The following FER variants were observed in gnomAD, a reference collection of about 807,000 sequenced individuals.
The protein encoded by FER is FER tyrosine kinase.
A neutral mutation model predicts 111.0 loss-of-function variants in FER; 63 were observed. The observed-to-expected ratio is 0.57, with a 90% CI of 0.46 to 0.70. FER has a LOEUF of 0.70. FER is among the 30% of genes least tolerant of loss of function. The pLI is 0.00. For synonymous variants in FER, 327 were observed against 313.9 expected (o/e 1.04, Z -0.44); for missense variants, 914 against 954.0 (o/e 0.96, Z 0.55).
At chr5:108,908,324 A>G (rs1366888631) in intron 10 of FER, among the ~76,000 whole-genome samples, 6 of 152,206 alleles carry the variant, frequency 3.9e-5, no homozygotes. Flanking sequence ...ACATTGCTAT[A>G]ACGAAATAAT....
chr5:108,889,662 G>GTA (rs1747720534), intron 9 of FER, among the ~76,000 whole-genome samples: 1 of 151,888 alleles, frequency 6.6e-6, no homozygotes, highest in African/African-American at 2.4e-5. Flanking sequence ...AACTAAAAGA[G>GTA]TATAATAGGA....
chr5:108,917,903 T>C (rs1561612535), intron 10 of FER, among the ~76,000 whole-genome samples: 1 of 152,162 alleles, frequency 6.6e-6, no homozygotes, highest in Middle Eastern at 3.4e-3. Context: ...GCAGGGCTTT[T>C]TATAAAAGAT....
rs141853188 is a variant in FER, at chr5:109,186,207, C to T, written c.2211C>T (p.Tyr737=). ...TTGTTGTTCCTCTTCCAGGGAGATA[C>T]AGTTCAGAGAGTGACGTGTGGAGCT... is the stretch of plus-strand genomic sequence containing the variant. ...TAPEALNYGR[Y]SSESDVWSFG... Residue 737 remains tyrosine, a synonymous_variant, in exon 19 of 20, where the codon TAC becomes TAT. Coordinates refer to ENST00000281092, the MANE Select transcript of FER (RefSeq NM_005246.4). The T allele has an allele frequency of 4.0e-4, 638 of 1,614,118 alleles. 5 individuals are homozygous for T. In the African/African-American group the frequency reaches 5.8e-3, roughly 15 times the overall value.
At chr5:108,898,710 A>G (rs1239901562) in intron 10 of FER, among the ~76,000 whole-genome samples, 1 of 135,626 alleles carries the variant, frequency 7.4e-6, no homozygotes, top group Admixed American at 7.6e-5. Context: ...TCCTTTTTCT[A>G]TTATCTACCT....
At chr5:108,917,985 T>C (rs1474550973) in intron 10 of FER, among the ~76,000 whole-genome samples, 1 of 152,186 alleles carries the variant, frequency 6.6e-6, no homozygotes, top group Non-Finnish European at 1.5e-5. Context: ...AGGTAGCTAA[T>C]GACAACAACA....
chr5:109,139,350 C>CTTTCTTTTTTTTTTTTTTTTTTTTTT (rs759020944), intron 17 of FER, among the ~76,000 whole-genome samples: 1 of 91,114 alleles, frequency 1.1e-5, no homozygotes, highest in African/African-American at 4.4e-5. Context: ...TTCTTTCTTT[C>CTTTCTTTTTTTTTTTTTTTTTTTTTT]TTTTTTTTTT....
chr5:108,847,278 G>GT (rs1230232648), intron 5 of FER, among the ~76,000 whole-genome samples: 1 of 151,166 alleles, frequency 6.6e-6, no homozygotes, highest in African/African-American at 2.4e-5. Context: ...TGATTCATAG[G>GT]TTATTTAGAA....
chr5:109,165,787 C>T (rs1409336834), intron 17 of FER, among the ~76,000 whole-genome samples: 2 of 152,060 alleles, frequency 1.3e-5, no homozygotes, highest in Non-Finnish European at 1.5e-5. Flanking sequence ...TCTATGGTGG[C>T]GTTTTAGTAT....
Position 109,061,670 on chromosome 5 carries a change from GATAA to G in FER, c.1924+14480_1924+14483del, listed in dbSNP as rs139466932. ...TCATAATTTCTCAACCTTGTGCATA[GATAA>G]ATAAATAGCTCGTTTCAGTAAACAG... On this transcript the variant is annotated intron_variant, in intron 16 of 19. Coordinates refer to ENST00000281092, the MANE Select transcript of FER (RefSeq NM_005246.4). 4.3e-4 allele frequency among the ~76,000 whole-genome samples: 65 copies of G among 152,254 alleles called. 2 individuals carry two copies. The East Asian group carries it at 0.011, about 27-fold the overall frequency.
intron 13 of FER, among the ~76,000 whole-genome samples, chr5:109,016,675 A>T (rs781382525): frequency 3.3e-5 from 5 of 152,088 alleles, no homozygotes; most frequent in Non-Finnish European, 5.9e-5. Context: ...CAAAACTTTG[A>T]AATGTGTATG....
rs113241933 is a variant in FER at position 109,047,307 on chromosome 5, T to C, written c.1924+109T>C. ...CCTCGTAAAGTCTCCAAGGATTTTG[T>C]TTAACATTTCCAGATAACAAAAGAG... On this transcript the variant is annotated intron_variant, in intron 16 of 19. Coordinates refer to ENST00000281092, the MANE Select transcript of FER (RefSeq NM_005246.4). The C allele has an allele frequency of 1.1e-4, 68 of 628,964 alleles. 2 individuals are homozygous for C. Among genetic ancestry groups the C allele is most frequent in the African/African-American group, 9.4e-4 (49 of 52,364 alleles). The allele number at this position is 628,964 out of a possible 1,614,324, so 39.0% of individuals were successfully genotyped here. A position where few individuals can be genotyped will look rare whatever the true frequency, so the allele number is the denominator to read the frequency against.
chr5:108,867,965 C>A lies in FER; in HGVS notation c.665+15C>A, dbSNP rs1277867043. 7 of 1,587,728 alleles carry A rather than the reference C, an allele frequency of 4.4e-6. No homozygotes were observed. The highest frequency in any genetic ancestry group is 6.0e-6 in the Non-Finnish European group (7 of 1,168,480). On this transcript the variant is annotated intron_variant, in intron 6 of 19. Coordinates refer to ENST00000281092, the MANE Select transcript of FER (RefSeq NM_005246.4). The stretch of plus-strand genomic sequence containing the variant: ...ATAAAAGCACTGTAAGATACATTTT[C>A]TTTTTATCATAAAATCCCTTCACAA...
At position 108,944,089 on chromosome 5, in the gene FER, T is replaced by A. The variant is rs61035482; in HGVS notation, c.1237-2041T>A. Among the ~76,000 whole-genome samples the A allele has an allele frequency of 2.9e-3, 443 of 150,370 alleles. 4 individuals carry two copies. The highest frequency in any genetic ancestry group is 0.011 in the African/African-American group (429 of 40,738). ...CTTGTAATTATTATGAACCAGTCTC[T>A]TAGTTTTATGTGTATGTGTACACAC... is the stretch of plus-strand genomic sequence containing the variant. On this transcript the variant is annotated intron_variant, in intron 10 of 19. Transcript: ENST00000281092.
At chr5:109,057,842 GTTGAAA>G (rs1168368151) in intron 16 of FER, among the ~76,000 whole-genome samples, 2 of 152,146 alleles carry the variant, frequency 1.3e-5, no homozygotes, top group South Asian at 2.1e-4. Flanking sequence ...CACTGAAAAA[GTTGAAA>G]TTGAAGAATA....
chr5:108,832,874 T>C lies in FER; in HGVS notation c.312T>C (p.Ile104=). ...CTTTACACAGGCTCACCATGATGAT[T>C]AAGGACAAGCAGCAGGTGAAGAAAA... ...SGPLHRLTMM[I]KDKQQVKKSY... Residue 104 remains isoleucine (I), a synonymous_variant, in exon 4 of 20, where the codon ATT becomes ATC. Transcript: ENST00000281092. 1 of 1,608,000 alleles carries C rather than the reference T, an allele frequency of 6.2e-7. No individual in the cohort carries two copies. The highest frequency in any genetic ancestry group is 8.5e-7 in the Non-Finnish European group (1 of 1,176,480).
intron 17 of FER, among the ~76,000 whole-genome samples, chr5:109,172,484 T>TAGGGTGG (rs1757226586): frequency 4.6e-5 from 2 of 43,586 alleles, no homozygotes; most frequent in East Asian, 5.7e-4. Context: ...GGGACTGTTG[T>TAGGGTGG]GGGGTGGGGG....
intron 2 of FER, among the ~76,000 whole-genome samples, chr5:108,772,836 T>A (rs190136017): frequency 1.0e-3 from 159 of 152,368 alleles, no homozygotes; most frequent in African/African-American, 3.7e-3. Context: ...TAGGAATATG[T>A]ATCTATTAAT....
intron 5 of FER, among the ~76,000 whole-genome samples, chr5:108,843,570 G>T (rs532819733): frequency 9.6e-4 from 139 of 145,482 alleles, no homozygotes; most frequent in Non-Finnish European, 1.3e-3. Context: ...TCGCTCTGTC[G>T]CCAGGCTGGA....
chr5:109,001,058 T>A (rs112224220), intron 13 of FER, among the ~76,000 whole-genome samples: 12 of 152,116 alleles, frequency 7.9e-5, no homozygotes, highest in African/African-American at 2.9e-4. Context: ...GATTCACAGC[T>A]GAATTCTACC....
Sources: allele counts gnomAD v4.1 joint callset (sites outside exome capture counted in the v4.1 genomes callset), GRCh38; gene constraint gnomAD v4.1.1; transcripts MANE v1.5; gene names NCBI Gene and HGNC (gene_info 2026-07-23, HGNC 2026-07-21).